PCSK2: variants seen among roughly 807,000 people sequenced by gnomAD.
PCSK2 encodes neuroendocrine convertase 2.
A neutral mutation model predicts 69.7 loss-of-function variants in PCSK2; 14 were observed. That is an observed-to-expected ratio of 0.20 (90% CI 0.13 to 0.31). The LOEUF (loss-of-function observed/expected upper bound fraction) is 0.31. Ranked by LOEUF, PCSK2 falls within the 10% of genes least tolerant of loss-of-function variation. The pLI is 1.00. For missense variants in PCSK2, 544 were observed against 842.5 expected (o/e 0.65, Z 4.39); for synonymous variants, 307 against 320.7 (o/e 0.96, Z 0.46).
At chr20:17,341,405 C>T (rs185523761) in intron 2 of PCSK2, among the ~76,000 whole-genome samples, 10 of 152,246 alleles carry the variant, frequency 6.6e-5, no homozygotes, top group East Asian at 3.9e-4. Context: ...TTATAGCTCC[C>T]GAAGTGAAGC....
intron 2 of PCSK2, among the ~76,000 whole-genome samples, chr20:17,326,346 T>G (rs888691213): frequency 4.6e-5 from 7 of 152,092 alleles, no homozygotes; most frequent in Non-Finnish European, 1.0e-4. Context: ...GCAAGAAAAG[T>G]CTGAAAATTG....
At position 17,453,721 on chromosome 20, in the gene PCSK2, C is replaced by T. The variant is rs1444184719; in HGVS notation, c.886-21C>T. On this transcript the variant is annotated intron_variant, in intron 8 of 11. Coordinates refer to ENST00000262545, the MANE Select transcript of PCSK2 (RefSeq NM_002594.5). This position sits in a 1 kb window ranked among gnomAD's most constrained non-coding sequence, Gnocchi z 4.0. ...CAGCCCAGGCTGTGGGTAGCGGCAGCGTCTCCCCTGCTCTCCCCAGGGCCG... is the reference window on the plus strand; with the variant it reads ...CAGCCCAGGCTGTGGGTAGCGGCAGTGTCTCCCCTGCTCTCCCCAGGGCCG... The T allele has an allele frequency of 2.5e-6, 4 of 1,610,030 alleles. No homozygotes were observed. The highest frequency in any genetic ancestry group is 3.3e-5 in the Admixed American group (2 of 59,986).
chr20:17,228,886 A>G (rs1258375518), intron 1 of PCSK2, among the ~76,000 whole-genome samples: 1 of 152,056 alleles, frequency 6.6e-6, no homozygotes, highest in Non-Finnish European at 1.5e-5. Context: ...TGCGGAAAGG[A>G]ACTTGTTGCT....
intron 1 of PCSK2, among the ~76,000 whole-genome samples, chr20:17,252,743 T>C (rs1987032467): frequency 6.6e-6 from 1 of 152,168 alleles, no homozygotes. Flanking sequence ...TGAGACCATA[T>C]CATCATTACC....
Position 17,333,910 on chromosome 20 carries a change from C to CATATATAT in PCSK2, c.283-24398_283-24391dup, listed in dbSNP as rs3076241. Among the ~76,000 whole-genome samples the CATATATAT allele has an allele frequency of 5.1e-3, 439 of 86,390 alleles. 37 individuals are homozygous for CATATATAT. Among genetic ancestry groups the CATATATAT allele is most frequent in the East Asian group, 0.045 (34 of 760 alleles). The allele number at this position is 86,390 out of a possible 152,430, so 56.7% of individuals were successfully genotyped here. Reference sequence around the variant, plus strand: ...TACATTTCTTCCTTCTAAGTCACTGCATATATATATATATATATATATATA... The same window carrying CATATATAT: ...TACATTTCTTCCTTCTAAGTCACTGCATATATATATATATATATATATATATATATATA... On this transcript the variant is annotated intron_variant, in intron 2 of 11. Coordinates refer to ENST00000262545, the MANE Select transcript of PCSK2 (RefSeq NM_002594.5).
intron 2 of PCSK2, among the ~76,000 whole-genome samples, chr20:17,349,148 C>T (rs942881241): frequency 6.6e-6 from 1 of 152,176 alleles, no homozygotes; most frequent in Non-Finnish European, 1.5e-5. Flanking sequence ...GGTGAGCAAA[C>T]TGAGTCTTAA....
Position 17,481,522 on chromosome 20 carries a change from A to G in PCSK2, c.1431-62A>G, listed in dbSNP as rs2033401344. 6 of 1,535,326 alleles carry G rather than the reference A, an allele frequency of 3.9e-6. No individual in the cohort carries two copies. The Admixed American group carries it at 1.1e-4, about 27-fold the overall frequency. On this transcript the variant is annotated intron_variant, in intron 11 of 11. Transcript: ENST00000262545. ...CTTTCCGCCACCTGAAGCTGCCCTC[A>G]AAATCCCTTGTAAGGTGCACCCACC...
At chr20:17,434,626 T>A (rs1172125615) in intron 7 of PCSK2, among the ~76,000 whole-genome samples, 2 of 151,968 alleles carry the variant, frequency 1.3e-5, no homozygotes, top group Non-Finnish European at 2.9e-5. Flanking sequence ...AGGAAGAGGG[T>A]TCAAGGCACA....
chr20:17,466,035 C>A (rs191302981), intron 11 of PCSK2, among the ~76,000 whole-genome samples: 3 of 152,146 alleles, frequency 2.0e-5, no homozygotes, highest in Non-Finnish European at 4.4e-5. Flanking sequence ...CAGGAGGCAC[C>A]ATTTACATAG....
At chr20:17,226,706 T>C (rs1024275171), upstream of PCSK2, among the ~76,000 whole-genome samples, 2 of 151,770 alleles carry the variant, frequency 1.3e-5, no homozygotes, top group Non-Finnish European at 1.5e-5. Context: ...GCCGCTGGCC[T>C]GATTACAGCT....
intron 5 of PCSK2, among the ~76,000 whole-genome samples, chr20:17,379,600 A>G (rs927607082): frequency 2.6e-5 from 4 of 152,250 alleles, no homozygotes; most frequent in Non-Finnish European, 5.9e-5. Context: ...CAAAGACTTG[A>G]TGGTAGGCAG....
intron 2 of PCSK2, among the ~76,000 whole-genome samples, chr20:17,325,311 G>A (rs1344339307): frequency 6.6e-6 from 1 of 152,102 alleles, no homozygotes; most frequent in South Asian, 2.1e-4. Context: ...TTTATAAGCA[G>A]CTCAATTTTG....
chr20:17,465,049 T>A lies in PCSK2; in HGVS notation c.1203-277T>A, dbSNP rs2033076670. 3 of 449,064 alleles carry A rather than the reference T, an allele frequency of 6.7e-6. No homozygotes were observed. In the East Asian group the frequency reaches 1.2e-4, roughly 18 times the overall value. 27.8% of individuals were successfully genotyped at this position (449,064 alleles called of 1,614,324 possible). On this transcript the variant is annotated intron_variant, in intron 10 of 11. Coordinates refer to ENST00000262545, the MANE Select transcript of PCSK2 (RefSeq NM_002594.5). Reference sequence around the variant, plus strand: ...CATCTTCAACACTTAACATTGTCAGTCTTTTTCATTTTAGCCATTCCGGTG... The same window carrying A: ...CATCTTCAACACTTAACATTGTCAGACTTTTTCATTTTAGCCATTCCGGTG...
At chr20:17,311,017 A>AT (rs1192027535) in intron 2 of PCSK2, among the ~76,000 whole-genome samples, 2 of 151,196 alleles carry the variant, frequency 1.3e-5, no homozygotes, top group Non-Finnish European at 2.9e-5. Context: ...AAAAAAAAAA[A>AT]ATCATGGAAA....
At chr20:17,434,119 C>T (rs1050001150) in intron 7 of PCSK2, among the ~76,000 whole-genome samples, 1 of 148,228 alleles carries the variant, frequency 6.7e-6, no homozygotes, top group Admixed American at 6.7e-5. Context: ...CTTCTCCTCT[C>T]CCTTTCTCTC....
Position 17,453,726 on chromosome 20 carries a change from C to T in PCSK2, c.886-16C>T, listed in dbSNP as rs751553786. 5.6e-6 allele frequency: 9 copies of T among 1,611,476 alleles called. No homozygotes were observed. Among genetic ancestry groups the T allele is most frequent in the Non-Finnish European group, 6.8e-6 (8 of 1,179,716 alleles). On this transcript the variant is annotated splice_polypyrimidine_tract_variant and intron_variant, in intron 8 of 11. Coordinates refer to ENST00000262545, the MANE Select transcript of PCSK2 (RefSeq NM_002594.5). This position sits in a 1 kb window ranked among gnomAD's most constrained non-coding sequence, Gnocchi z 4.0. ...CAGGCTGTGGGTAGCGGCAGCGTCT[C>T]CCCTGCTCTCCCCAGGGCCGCGGCG...
chr20:17,399,359 AT>A (rs1298784518), intron 5 of PCSK2, among the ~76,000 whole-genome samples: 1 of 152,206 alleles, frequency 6.6e-6, no homozygotes, highest in East Asian at 1.9e-4. Flanking sequence ...TGGTGTTATT[AT>A]TTACCTAGTA....
intron 11 of PCSK2, 152 bp downstream of exon 11, chr20:17,465,705 G>T: frequency 1.6e-6 from 1 of 617,652 alleles, no homozygotes; most frequent in Middle Eastern, 4.4e-4. Flanking sequence ...GCCTCACTTT[G>T]TCACCCAGGC....
At chr20:17,384,025 A>C (rs1389333247) in intron 5 of PCSK2, among the ~76,000 whole-genome samples, 1 of 152,198 alleles carries the variant, frequency 6.6e-6, no homozygotes, top group East Asian at 1.9e-4. Flanking sequence ...ACCAAATTAC[A>C]AGTAATTAAT....
Sources: allele counts gnomAD v4.1 joint callset (sites outside exome capture counted in the v4.1 genomes callset), GRCh38; gene constraint gnomAD v4.1.1; non-coding constraint Gnocchi (gnomAD v3.1); transcripts MANE v1.5; gene names NCBI Gene and HGNC (gene_info 2026-07-23, HGNC 2026-07-21).